Variants in CHRM3 observed in about 807,000 individuals in gnomAD.
The protein encoded by CHRM3 is cholinergic receptor muscarinic 3.
Under a neutral mutation model 41.8 loss-of-function variants are expected in CHRM3, and 11 were observed. The ratio of observed to expected loss-of-function variants is 0.26; its 90% CI spans 0.17 to 0.44. The LOEUF (loss-of-function observed/expected upper bound fraction) is 0.44, where lower values mean the gene tolerates loss of function less well. Ranked by LOEUF, CHRM3 falls within the 20% of genes least tolerant of loss-of-function variation. The probability of loss-of-function intolerance (pLI) is 1.00; values close to 1 mark genes in which losing one functional copy is unlikely to be tolerated. For missense variants in CHRM3, 571 were observed against 745.4 expected (o/e 0.77, Z 2.72); for synonymous variants, 297 against 301.4 (o/e 0.99, Z 0.15).
At chr1:239,725,087 T>G (rs6695600) in intron 5 of CHRM3, among the ~76,000 whole-genome samples, 61,269 of 151,810 alleles carry the variant, frequency 0.4, 12,672 homozygotes, top group Middle Eastern at 0.51. Context: ...TTATCTTTGA[T>G]CTAGCTGCTG....
chr1:239,441,897 A>G (rs942827378), intron 1 of CHRM3, among the ~76,000 whole-genome samples: 2 of 152,242 alleles, frequency 1.3e-5, no homozygotes, highest in African/African-American at 4.8e-5. Flanking sequence ...TGAAGTATTT[A>G]AAAGTCTTTG....
intron 6 of CHRM3, chr1:239,886,406 G>GA (rs1159261946): frequency 4.6e-5 from 7 of 152,036 alleles, no homozygotes; most frequent in Non-Finnish European, 1.5e-5. Flanking sequence ...TCACAGGGAA[G>GA]AAAAAAATAG....
intron 2 of CHRM3, among the ~76,000 whole-genome samples, chr1:239,515,218 A>C (rs2148224338): frequency 6.6e-6 from 1 of 152,074 alleles, no homozygotes; most frequent in East Asian, 1.9e-4. Context: ...AAAGTTCTTA[A>C]AAATGCCTAA....
chr1:239,806,111 CCT>C (rs1377875505), intron 5 of CHRM3, among the ~76,000 whole-genome samples: 1 of 152,164 alleles, frequency 6.6e-6, no homozygotes, highest in Non-Finnish European at 1.5e-5. Flanking sequence ...GCTGAAAATC[CCT>C]GAGAGAAGTT....
intron 3 of CHRM3, among the ~76,000 whole-genome samples, chr1:239,584,276 G>A (rs941041200): frequency 1.3e-5 from 2 of 151,706 alleles, no homozygotes; most frequent in Non-Finnish European, 2.9e-5. Context: ...GCTAATTTTT[G>A]TATTTTTGGT....
chr1:239,864,632 A>G (rs1462070754), intron 6 of CHRM3, among the ~76,000 whole-genome samples: 1 of 152,100 alleles, frequency 6.6e-6, no homozygotes, highest in African/African-American at 2.4e-5. Flanking sequence ...TCGGGCCTAA[A>G]GGGGAGTGAC....
chr1:239,697,857 GA>G (rs1660340811), intron 5 of CHRM3, among the ~76,000 whole-genome samples: 1 of 152,134 alleles, frequency 6.6e-6, no homozygotes, highest in South Asian at 2.1e-4. Flanking sequence ...GGTACACATA[GA>G]AACCACCTTC....
At chr1:239,757,494 G>A (rs1008635916) in intron 5 of CHRM3, among the ~76,000 whole-genome samples, 6 of 152,016 alleles carry the variant, frequency 3.9e-5, no homozygotes, top group African/African-American at 1.4e-4. Flanking sequence ...GCCAGGCGTG[G>A]TGGCGAGCCC....
At chr1:239,524,758 T>C (rs2148288282) in intron 2 of CHRM3, among the ~76,000 whole-genome samples, 1 of 152,318 alleles carries the variant, frequency 6.6e-6, no homozygotes, top group Non-Finnish European at 1.5e-5. Flanking sequence ...GCAGCTTTTT[T>C]ACCGTGCTGC....
At chr1:239,682,862 A>T (rs1658703667) in intron 5 of CHRM3, among the ~76,000 whole-genome samples, 1 of 152,098 alleles carries the variant, frequency 6.6e-6, no homozygotes, top group South Asian at 2.1e-4. Flanking sequence ...TTTGTTTTTA[A>T]TTGACACGTA....
intron 3 of CHRM3, among the ~76,000 whole-genome samples, chr1:239,623,587 C>G (rs1297885337): frequency 1.2e-5 from 1 of 86,136 alleles, no homozygotes; most frequent in Non-Finnish European, 2.2e-5. Context: ...CATGCTGGTG[C>G]GCTGCACCCA....
intron 1 of CHRM3, among the ~76,000 whole-genome samples, chr1:239,460,103 A>G (rs1665243152): frequency 6.6e-6 from 1 of 152,180 alleles, no homozygotes; most frequent in African/African-American, 2.4e-5. Context: ...TGAAACAATC[A>G]TAGTCCGGCT....
intron 5 of CHRM3, among the ~76,000 whole-genome samples, chr1:239,799,219 G>A (rs1323264010): frequency 6.6e-6 from 1 of 152,188 alleles, no homozygotes; most frequent in African/African-American, 2.4e-5. Flanking sequence ...GAACTTAACA[G>A]GTCATGGGTA....
rs758413973 is a variant in CHRM3 at position 239,874,285 on chromosome 1, GTATATATATATATATATATATA to G, written c.-19-33127_-19-33106del. Among the ~76,000 whole-genome samples, 47 of 83,254 alleles carry G rather than the reference GTATATATATATATATATATATA, an allele frequency of 5.6e-4. 4 individuals are homozygous for G. Among genetic ancestry groups the G allele is most frequent in the African/African-American group, 2.4e-3 (40 of 16,436 alleles). The allele number at this position is 83,254 out of a possible 152,430, so 54.6% of individuals were successfully genotyped here. ...AGACCTATATATATCTATATACACA[GTATATATATATATATATATATA>G]TATATATATATATATATATACACAG... On this transcript the variant is annotated intron_variant, in intron 6 of 6. Transcript: ENST00000676153.
intron 6 of CHRM3, among the ~76,000 whole-genome samples, chr1:239,903,363 T>C (rs895914462): frequency 6.6e-6 from 1 of 152,246 alleles, no homozygotes; most frequent in African/African-American, 2.4e-5. Flanking sequence ...TAAATAACTT[T>C]GTGTTTTTAA....
At chr1:239,427,643 G>A (rs1307677777) in intron 1 of CHRM3, among the ~76,000 whole-genome samples, 1 of 152,072 alleles carries the variant, frequency 6.6e-6, no homozygotes, top group Non-Finnish European at 1.5e-5. Context: ...GCAGGGTCAA[G>A]AAGGGTGGAT....
rs1387036585 is a variant in CHRM3 at position 239,910,301 on chromosome 1, A to G, written c.*1077A>G. ...AGTGTCACGTTTGAATGTCATACACAGCAATATATATATATGTGTATATAT... is the reference window on the plus strand; with the variant it reads ...AGTGTCACGTTTGAATGTCATACACGGCAATATATATATATGTGTATATAT... On this transcript the variant is annotated 3_prime_UTR_variant, in exon 7 of 7. Transcript: ENST00000676153. 1.2e-5 allele frequency: 2 copies of G among 162,712 alleles called. No individual in the cohort carries two copies. Among genetic ancestry groups the G allele is most frequent in the Non-Finnish European group, 3.0e-5 (2 of 67,070 alleles). The allele number at this position is 162,712 out of a possible 1,614,324, so 10.1% of individuals were successfully genotyped here.
intron 6 of CHRM3, among the ~76,000 whole-genome samples, chr1:239,858,521 GAAA>G (rs35735156): frequency 1.4e-5 from 2 of 143,732 alleles, no homozygotes; most frequent in African/African-American, 2.6e-5. Context: ...TTTTCATTTG[GAAA>G]AAAAAAAAAA....
At chr1:239,685,909 C>T (rs111723324) in intron 5 of CHRM3, among the ~76,000 whole-genome samples, 6 of 152,132 alleles carry the variant, frequency 3.9e-5, no homozygotes, top group African/African-American at 1.4e-4. Flanking sequence ...TGCCTCCTGC[C>T]ATTGTTGCCT....
Sources: gnomAD v4.1 joint callset for allele counts (sites outside exome capture counted in the v4.1 genomes callset) on GRCh38, gnomAD v4.1.1 for gene constraint, MANE v1.5 for transcripts, NCBI Gene and HGNC (gene_info 2026-07-23, HGNC 2026-07-21) for gene names.